The following SEMA5A variants were observed in gnomAD, a reference collection of about 807,000 sequenced individuals.
SEMA5A encodes the protein semaphorin-5A.
SEMA5A carries 55 observed loss-of-function variants against 135.5 expected under a neutral mutation model. That is an observed-to-expected ratio of 0.41 (90% CI 0.33 to 0.51). The LOEUF (loss-of-function observed/expected upper bound fraction) is 0.51. Among genes scored for constraint, SEMA5A ranks in the 20% least tolerant of loss-of-function variants. The probability of loss-of-function intolerance (pLI) is 0.37; values close to 1 mark genes in which losing one functional copy is unlikely to be tolerated. For missense variants in SEMA5A, 1,290 were observed against 1,419.9 expected, an observed-to-expected ratio of 0.91 and a Z score of 1.47; for synonymous variants, 580 against 546.5, an observed-to-expected ratio of 1.06 and a Z score of -0.85.
chr5:9,516,040 T>C (rs1359218922), intron 1 of SEMA5A, among the ~76,000 whole-genome samples: 2 of 152,216 alleles, frequency 1.3e-5, no homozygotes, highest in African/African-American at 2.4e-5. Flanking sequence ...GAACGAAACA[T>C]AGCCCAGGTA....
At position 9,525,960 on chromosome 5, in the gene SEMA5A, G is replaced by A. The variant is rs150971574; in HGVS notation, c.-175+19624C>T. Among the ~76,000 whole-genome samples, 586 of 152,204 alleles carry A rather than the reference G, an allele frequency of 3.9e-3. 5 individuals are homozygous for A. The highest frequency in any genetic ancestry group is 6.8e-3 in the Admixed American group (104 of 15,308). ...GCCCTTTTTAGGGTTGTATGATAAA[G>A]GATAATTACTCCAATGATTGCAGTA... On this transcript the variant is annotated intron_variant, in intron 1 of 22. Coordinates refer to ENST00000382496, the MANE Select transcript of SEMA5A (RefSeq NM_003966.3).
chr5:9,385,077 A>G (rs1755830560), intron 2 of SEMA5A, among the ~76,000 whole-genome samples: 1 of 152,208 alleles, frequency 6.6e-6, no homozygotes, highest in Non-Finnish European at 1.5e-5. Context: ...TAGAAAGCCA[A>G]TTTGGGAGAC....
chr5:9,459,594 G>T (rs1389130634), intron 1 of SEMA5A, among the ~76,000 whole-genome samples: 1 of 152,206 alleles, frequency 6.6e-6, no homozygotes, highest in African/African-American at 2.4e-5. Context: ...CCAAGCCCCA[G>T]TCAACTGTCC....
At chr5:9,198,922 C>T (rs1292741762) in intron 9 of SEMA5A, among the ~76,000 whole-genome samples, 3 of 152,080 alleles carry the variant, frequency 2.0e-5, no homozygotes, top group African/African-American at 7.2e-5. Context: ...TTTCCCTGAG[C>T]CCCCTGCTAA....
At chr5:9,169,863 C>T (rs1743818094) in intron 11 of SEMA5A, among the ~76,000 whole-genome samples, 1 of 152,168 alleles carries the variant, frequency 6.6e-6, no homozygotes, top group Non-Finnish European at 1.5e-5. Flanking sequence ...AGTTCATTTG[C>T]TCATTAGGTG....
chr5:9,287,465 TA>T (rs1404408908), intron 5 of SEMA5A, among the ~76,000 whole-genome samples: 1 of 152,208 alleles, frequency 6.6e-6, no homozygotes, highest in Non-Finnish European at 1.5e-5. Context: ...AACTTTTCCC[TA>T]AATATGATTT....
intron 5 of SEMA5A, among the ~76,000 whole-genome samples, chr5:9,299,305 A>T (rs2150605670): frequency 6.6e-6 from 1 of 152,306 alleles, no homozygotes; most frequent in East Asian, 1.9e-4. Context: ...TTAAAATAAT[A>T]CCTGGCAGGA....
intron 4 of SEMA5A, among the ~76,000 whole-genome samples, chr5:9,324,391 C>G (rs1752777323): frequency 6.6e-6 from 1 of 152,152 alleles, no homozygotes; most frequent in African/African-American, 2.4e-5. Context: ...AAAAGGTGAA[C>G]CATAAGTAAA....
chr5:9,534,604 G>A (rs1737650931), intron 1 of SEMA5A, among the ~76,000 whole-genome samples: 1 of 152,030 alleles, frequency 6.6e-6, no homozygotes, highest in Non-Finnish European at 1.5e-5. Context: ...TCCCGATCCA[G>A]ACCCCAAGAG....
intron 16 of SEMA5A, 104 bp from the exon 17 acceptor site, chr5:9,066,750 C>T (rs1737495351): frequency 2.2e-6 from 2 of 897,046 alleles, no homozygotes; most frequent in Admixed American, 2.2e-5. Flanking sequence ...AAAACACCAG[C>T]TCCTAAGACA....
intron 16 of SEMA5A, among the ~76,000 whole-genome samples, chr5:9,097,585 A>G (rs1739389163): frequency 6.6e-6 from 1 of 152,182 alleles, no homozygotes; most frequent in South Asian, 2.1e-4. Context: ...TGGAACCTAC[A>G]ATGGGTAATG....
chr5:9,382,313 T>A (rs1009832224), intron 2 of SEMA5A, among the ~76,000 whole-genome samples: 1 of 150,324 alleles, frequency 6.7e-6, no homozygotes, highest in Admixed American at 6.7e-5. Flanking sequence ...ATAATAATAA[T>A]AAATAAATGA....
At chr5:9,159,085 A>G (rs1223129417) in intron 11 of SEMA5A, among the ~76,000 whole-genome samples, 2 of 152,194 alleles carry the variant, frequency 1.3e-5, no homozygotes, top group Non-Finnish European at 2.9e-5. Flanking sequence ...CTATTACATC[A>G]CATCTCCTTT....
At chr5:9,392,814 T>A (rs1356116420) in intron 2 of SEMA5A, among the ~76,000 whole-genome samples, 1 of 152,216 alleles carries the variant, frequency 6.6e-6, no homozygotes, top group East Asian at 1.9e-4. Context: ...AAGTGATGGA[T>A]AAACTCACTA....
intron 2 of SEMA5A, among the ~76,000 whole-genome samples, chr5:9,427,862 T>C (rs965687488): frequency 6.6e-6 from 1 of 152,182 alleles, no homozygotes; most frequent in African/African-American, 2.4e-5. Context: ...GGTGTTAGTA[T>C]ACTGTTTTAC....
chr5:9,513,068 A>AATATATATAT lies in SEMA5A; in HGVS notation c.-175+32506_-175+32515dup, dbSNP rs56269546. On this transcript the variant is annotated intron_variant, in intron 1 of 22. Coordinates refer to ENST00000382496, the MANE Select transcript of SEMA5A (RefSeq NM_003966.3). ...AAATGAGATGCAAATATATATATAT[A>AATATATATAT]ATATATATATATATATATGCAAGCT... Among the ~76,000 whole-genome samples, 4 of 143,722 alleles carry AATATATATAT rather than the reference A, an allele frequency of 2.8e-5. No individual in the cohort carries two copies. In the South Asian group the frequency reaches 6.5e-4, roughly 23 times the overall value. 94.3% of individuals were successfully genotyped at this position (143,722 alleles called of 152,430 possible). A position where few individuals can be genotyped will look rare whatever the true frequency, so the allele number is the denominator to read the frequency against.
intron 5 of SEMA5A, among the ~76,000 whole-genome samples, chr5:9,294,483 A>G (rs969754932): frequency 6.6e-6 from 1 of 152,154 alleles, no homozygotes; most frequent in African/African-American, 2.4e-5. Flanking sequence ...TCCTCACACA[A>G]ATATGGATGT....
At chr5:9,354,850 T>C (rs941559641) in intron 3 of SEMA5A, among the ~76,000 whole-genome samples, 5 of 151,872 alleles carry the variant, frequency 3.3e-5, no homozygotes, top group African/African-American at 1.2e-4. Context: ...CACATAGAGG[T>C]CTAGGCAAAG....
rs1561208225 is a variant in SEMA5A at position 9,384,657 on chromosome 5, TAGATATAGATAGATAGATATAGATAG to T, written c.-77-4660_-77-4635del. Among the ~76,000 whole-genome samples, 42 of 126,152 alleles carry T rather than the reference TAGATATAGATAGATAGATATAGATAG, an allele frequency of 3.3e-4. 2 individuals carry two copies. Among genetic ancestry groups the T allele is most frequent in the Non-Finnish European group, 5.5e-4 (32 of 57,724 alleles). 82.8% of individuals were successfully genotyped at this position (126,152 alleles called of 152,430 possible). On this transcript the variant is annotated intron_variant, in intron 2 of 22. Transcript: ENST00000382496. Reference sequence around the variant, plus strand: ...ATAGATAGATAGATAGATAGATAGATAGATATAGATAGATAGATATAGATAGATAGATAGATAGATAGATAGATAGA... The same window carrying T: ...ATAGATAGATAGATAGATAGATAGATATAGATAGATAGATAGATAGATAGA...
Sources: gnomAD v4.1 joint callset for allele counts (sites outside exome capture counted in the v4.1 genomes callset) on GRCh38, gnomAD v4.1.1 for gene constraint, MANE v1.5 for transcripts, NCBI Gene and HGNC (gene_info 2026-07-23, HGNC 2026-07-21) for gene names.